CCDC3: variants seen among roughly 807,000 people sequenced by gnomAD.
CCDC3 encodes coiled-coil domain containing 3.
Under a neutral mutation model 21.4 loss-of-function variants are expected in CCDC3, and 24 were observed. The observed-to-expected ratio is 1.12, with a 90% CI of 0.81 to 1.58. The LOEUF is 1.58. Among genes scored for constraint, CCDC3 ranks in the 40% most tolerant of loss-of-function variants. CCDC3 has a pLI of 0.00. For missense variants in CCDC3, 425 were observed against 360.9 expected (o/e 1.18, Z -1.44); for synonymous variants, 186 against 166.0 (o/e 1.12, Z -0.93).
chr10:13,068,981 T>G (rs1471001929), intron 4 of CCDC3, among the ~76,000 whole-genome samples: 1 of 152,152 alleles, frequency 6.6e-6, no homozygotes, highest in Non-Finnish European at 1.5e-5. Flanking sequence ...CTTGGCCGGG[T>G]GTGGTGGCTC....
At chr10:12,977,641 T>C (rs1252731563) in intron 2 of CCDC3, among the ~76,000 whole-genome samples, 1 of 152,244 alleles carries the variant, frequency 6.6e-6, no homozygotes, top group Non-Finnish European at 1.5e-5. Context: ...AATTAATTAC[T>C]GCTTCTTACA....
At chr10:12,975,209 T>C (rs1835398014) in intron 2 of CCDC3, among the ~76,000 whole-genome samples, 1 of 152,170 alleles carries the variant, frequency 6.6e-6, no homozygotes, top group Non-Finnish European at 1.5e-5. Context: ...CTCCTTGCTC[T>C]AACAAATGTC....
Position 12,942,649 on chromosome 10 carries a change from G to T in CCDC3, c.550-43970C>A, listed in dbSNP as rs147449760. 3.8e-3 allele frequency among the ~76,000 whole-genome samples: 585 copies of T among 152,300 alleles called. 2 individuals carry two copies. Among genetic ancestry groups the T allele is most frequent in the Non-Finnish European group, 5.6e-3 (381 of 68,024 alleles). On this transcript the variant is annotated intron_variant, in intron 2 of 2. Coordinates refer to ENST00000378825, the MANE Select transcript of CCDC3 (RefSeq NM_031455.4). Reference sequence around the variant, plus strand: ...TAGAGACCCCATCTGCATAATAAAAGATTAGGGTGGGGTGGCCAGCTTCTT... The same window carrying T: ...TAGAGACCCCATCTGCATAATAAAATATTAGGGTGGGGTGGCCAGCTTCTT...
chr10:12,971,680 C>T (rs751393841), intron 2 of CCDC3, among the ~76,000 whole-genome samples: 11 of 152,008 alleles, frequency 7.2e-5, no homozygotes, highest in Non-Finnish European at 1.5e-4. Flanking sequence ...GCCCAAGCCC[C>T]GAAGTTTTTA....
chr10:12,953,283 G>C (rs910159835), intron 2 of CCDC3, among the ~76,000 whole-genome samples: 1 of 152,076 alleles, frequency 6.6e-6, no homozygotes, highest in Non-Finnish European at 1.5e-5. Flanking sequence ...GCACGGGAAA[G>C]ACCTGACCCC....
intron 2 of CCDC3, among the ~76,000 whole-genome samples, chr10:12,945,349 G>A (rs181067116): frequency 6.6e-6 from 1 of 151,856 alleles, no homozygotes; most frequent in Admixed American, 6.6e-5. Flanking sequence ...TTTGTTAAAG[G>A]CAAAAAGAGA....
At chr10:13,068,451 T>C (rs909033626) in intron 4 of CCDC3, among the ~76,000 whole-genome samples, 13 of 152,202 alleles carry the variant, frequency 8.5e-5, no homozygotes, top group African/African-American at 3.1e-4. Context: ...TACCTTTCAG[T>C]TCACATGACT....
chr10:12,983,309 A>T (rs1219874052), intron 2 of CCDC3, among the ~76,000 whole-genome samples: 1 of 151,288 alleles, frequency 6.6e-6, no homozygotes, highest in Non-Finnish European at 1.5e-5. Context: ...GTGGTGGCTC[A>T]TGCCTGTAAT....
At chr10:13,007,236 G>A (rs540174622) in intron 5 of CCDC3, among the ~76,000 whole-genome samples, 1 of 152,216 alleles carries the variant, frequency 6.6e-6, no homozygotes, top group Non-Finnish European at 1.5e-5. Flanking sequence ...TGGCTGTGCA[G>A]GTCACACATC....
At chr10:13,040,687 T>TCACACA (rs10653974) in intron 5 of CCDC3, among the ~76,000 whole-genome samples, 12,639 of 142,654 alleles carry the variant, frequency 0.089, 609 homozygotes, top group African/African-American at 0.11. Flanking sequence ...CAAAACTCTG[T>TCACACA]CACACACACA....
At chr10:13,038,177 C>T (rs900336442) in intron 5 of CCDC3, among the ~76,000 whole-genome samples, 4 of 151,710 alleles carry the variant, frequency 2.6e-5, no homozygotes, top group Non-Finnish European at 4.4e-5. Flanking sequence ...GGACACATGG[C>T]GGGGAAAAAC....
chr10:12,910,459 T>C (rs1564279762), intron 2 of CCDC3, among the ~76,000 whole-genome samples: 1 of 151,978 alleles, frequency 6.6e-6, no homozygotes, highest in African/African-American at 2.4e-5. Context: ...TTGGTAAAAA[T>C]ATTATTGGAA....
chr10:13,022,567 T>C (rs1279943737), intron 5 of CCDC3, among the ~76,000 whole-genome samples: 4 of 152,208 alleles, frequency 2.6e-5, no homozygotes, highest in African/African-American at 7.2e-5. Context: ...CCAAAAGTAA[T>C]GGCCATTTTT....
At chr10:13,070,391 C>T (rs1398649635) in intron 4 of CCDC3, among the ~76,000 whole-genome samples, 1 of 152,168 alleles carries the variant, frequency 6.6e-6, no homozygotes, top group Non-Finnish European at 1.5e-5. Flanking sequence ...CAACAAGACA[C>T]AATTGGAGAA....
Position 13,088,595 on chromosome 10 carries a change from C to T in CCDC3, c.-503+9930G>A, listed in dbSNP as rs552969012. On this transcript the variant is annotated intron_variant, in intron 3 of 6. Transcript: ENST00000378839. ...GCACACTGCAAAAAATTGAGGCTAC[C>T]GAGGGAATGGAATGAGACAGGCTGC... Among the ~76,000 whole-genome samples, 7 of 152,128 alleles carry T rather than the reference C, an allele frequency of 4.6e-5. No individual in the cohort carries two copies. In the East Asian group the frequency reaches 5.8e-4, roughly 13 times the overall value.
intron 2 of CCDC3, among the ~76,000 whole-genome samples, chr10:12,929,821 A>T (rs931835421): frequency 6.6e-6 from 1 of 152,206 alleles, no homozygotes; most frequent in Admixed American, 6.5e-5. Flanking sequence ...CGGGGGGATG[A>T]TCAAACACAT....
chr10:12,933,131 TTGTC>T (rs1834676740), intron 2 of CCDC3, among the ~76,000 whole-genome samples: 1 of 152,182 alleles, frequency 6.6e-6, no homozygotes, highest in South Asian at 2.1e-4. Flanking sequence ...TGTAATGTCT[TTGTC>T]TGGTTTAGGT....
intron 2 of CCDC3, among the ~76,000 whole-genome samples, chr10:12,991,330 T>G (rs1835679971): frequency 2.0e-5 from 3 of 152,072 alleles, no homozygotes; most frequent in Non-Finnish European, 2.9e-5. Flanking sequence ...GTTTTGTTTT[T>G]TTTTCCTTGA....
intron 2 of CCDC3, among the ~76,000 whole-genome samples, chr10:12,979,800 T>C (rs890228020): frequency 1.3e-5 from 2 of 152,170 alleles, no homozygotes; most frequent in Non-Finnish European, 2.9e-5. Flanking sequence ...CAGTTGCTTT[T>C]TGGTTAATGA....
Sources: gnomAD v4.1 joint callset for allele counts (sites outside exome capture counted in the v4.1 genomes callset) on GRCh38, gnomAD v4.1.1 for gene constraint, MANE v1.5 for transcripts, NCBI Gene and HGNC (gene_info 2026-07-23, HGNC 2026-07-21) for gene names.